The following GPC6 variants were observed in gnomAD, a reference collection of about 807,000 sequenced individuals.
GPC6 encodes glypican-6.
A neutral mutation model predicts 55.2 loss-of-function variants in GPC6; 14 were observed. That is an observed-to-expected ratio of 0.25 (90% CI 0.17 to 0.40). GPC6 has a LOEUF of 0.40. Ranked by LOEUF, GPC6 falls within the 10% of genes least tolerant of loss-of-function variation. The probability of loss-of-function intolerance (pLI) is 1.00; values close to 1 mark genes in which losing one functional copy is unlikely to be tolerated. For synonymous variants in GPC6, 278 were observed against 259.6 expected (o/e 1.07, Z -0.68); for missense variants, 641 against 708.5 (o/e 0.90, Z 1.08).
chr13:93,651,143 G>A (rs995453277), intron 2 of GPC6, among the ~76,000 whole-genome samples: 1 of 152,036 alleles, frequency 6.6e-6, no homozygotes, highest in Admixed American at 6.5e-5. Flanking sequence ...AAAGCAGCAG[G>A]ACATTCAGAT....
At chr13:93,826,443 G>A (rs1006772686) in intron 2 of GPC6, among the ~76,000 whole-genome samples, 5 of 152,010 alleles carry the variant, frequency 3.3e-5, no homozygotes, top group African/African-American at 4.8e-5. Flanking sequence ...CTTGGGTTCC[G>A]AAAGGATATA....
intron 2 of GPC6, among the ~76,000 whole-genome samples, chr13:93,568,964 T>C (rs1443462488): frequency 6.6e-6 from 1 of 152,140 alleles, no homozygotes. Context: ...GTTGCAAAGA[T>C]AGGGAAAGGA....
chr13:93,800,343 G>A (rs142845959), intron 2 of GPC6, among the ~76,000 whole-genome samples: 21 of 152,276 alleles, frequency 1.4e-4, no homozygotes, highest in African/African-American at 5.1e-4. Context: ...GCTGAATATA[G>A]AGTGAATGTG....
intron 6 of GPC6, among the ~76,000 whole-genome samples, chr13:94,352,843 G>A (rs1878618659): frequency 6.6e-6 from 1 of 152,146 alleles, no homozygotes; most frequent in African/African-American, 2.4e-5. Flanking sequence ...TTCTTCCATG[G>A]TGGGGCAACC....
At chr13:94,093,549 T>C (rs959906196) in intron 4 of GPC6, among the ~76,000 whole-genome samples, 2 of 152,106 alleles carry the variant, frequency 1.3e-5, no homozygotes, top group Non-Finnish European at 2.9e-5. Context: ...TGCCTCCAGC[T>C]TTGTTCTTGC....
At chr13:93,850,884 T>C (rs1354214045) in intron 3 of GPC6, among the ~76,000 whole-genome samples, 2 of 151,958 alleles carry the variant, frequency 1.3e-5, no homozygotes, top group East Asian at 3.9e-4. Flanking sequence ...GTCTTAGACA[T>C]ATGACTGAGA....
intron 1 of GPC6, among the ~76,000 whole-genome samples, chr13:93,364,791 A>G (rs1401200346): frequency 6.6e-6 from 1 of 151,706 alleles, no homozygotes; most frequent in Admixed American, 6.6e-5. Flanking sequence ...TATCTTGCCC[A>G]ATTGGCTAAT....
At chr13:93,511,161 A>G in intron 1 of GPC6, among the ~76,000 whole-genome samples, 1 of 149,050 alleles carries the variant, frequency 6.7e-6, no homozygotes, top group Admixed American at 6.7e-5. Context: ...TACTCTGTTT[A>G]TTATTTCTTT....
chr13:93,416,872 T>A (rs1594154838), intron 1 of GPC6, among the ~76,000 whole-genome samples: 1 of 152,082 alleles, frequency 6.6e-6, no homozygotes, highest in East Asian at 1.9e-4. Context: ...TGACAGCTAA[T>A]AAACAGCAGA....
intron 3 of GPC6, among the ~76,000 whole-genome samples, chr13:93,999,034 A>T (rs945092079): frequency 2.0e-5 from 3 of 152,068 alleles, no homozygotes; most frequent in Middle Eastern, 3.4e-3. Flanking sequence ...ATGAGTTTGA[A>T]TTTTTTTTAT....
At chr13:94,369,377 T>C (rs1476096985) in intron 6 of GPC6, among the ~76,000 whole-genome samples, 1 of 152,168 alleles carries the variant, frequency 6.6e-6, no homozygotes, top group Non-Finnish European at 1.5e-5. Flanking sequence ...TAGATGGACT[T>C]GGGGCCTCCT....
chr13:93,486,966 C>A (rs1485900454), intron 1 of GPC6, among the ~76,000 whole-genome samples: 4 of 150,720 alleles, frequency 2.7e-5, no homozygotes, highest in East Asian at 3.9e-4. Context: ...AACAAAAAAA[C>A]CCCAAAAAAC....
chr13:94,312,582 T>C (rs1023383001), intron 6 of GPC6, among the ~76,000 whole-genome samples: 6 of 152,210 alleles, frequency 3.9e-5, no homozygotes, highest in African/African-American at 1.4e-4. Flanking sequence ...CTAGTTTGCA[T>C]TTCAAAAGGA....
chr13:93,360,888 GCC>G (rs1183797746), intron 1 of GPC6, among the ~76,000 whole-genome samples: 2 of 152,126 alleles, frequency 1.3e-5, no homozygotes, highest in African/African-American at 4.8e-5. Context: ...GGATGTGGAA[GCC>G]TTTAACTCCG....
At chr13:93,912,614 G>A (rs750457454) in intron 3 of GPC6, among the ~76,000 whole-genome samples, 53 of 152,202 alleles carry the variant, frequency 3.5e-4, no homozygotes, top group Non-Finnish European at 6.8e-4. Flanking sequence ...GTGGTGGCGG[G>A]CGCCTGTAGT....
intron 1 of GPC6, among the ~76,000 whole-genome samples, chr13:93,256,847 T>C (rs962092128): frequency 2.6e-5 from 4 of 152,174 alleles, no homozygotes; most frequent in Non-Finnish European, 4.4e-5. Flanking sequence ...GTATTTCACA[T>C]TGAGACTGAT....
At chr13:94,026,993 C>T (rs1284759710) in intron 3 of GPC6, among the ~76,000 whole-genome samples, 2 of 152,124 alleles carry the variant, frequency 1.3e-5, no homozygotes, top group African/African-American at 2.4e-5. Flanking sequence ...CTTAAATATT[C>T]CTTCCTCTTG....
At chr13:94,092,743 A>G (rs1484991598) in intron 4 of GPC6, among the ~76,000 whole-genome samples, 2 of 152,128 alleles carry the variant, frequency 1.3e-5, no homozygotes, top group African/African-American at 4.8e-5. Context: ...TTGCATTTCT[A>G]CCAACACTGT....
chr13:93,795,206 G>A (rs766914617), intron 2 of GPC6, among the ~76,000 whole-genome samples: 12 of 152,276 alleles, frequency 7.9e-5, no homozygotes, highest in Admixed American at 2.0e-4. Context: ...AAAAAAGATC[G>A]TGGGGAGATG....
Sources: allele counts gnomAD v4.1 joint callset (sites outside exome capture counted in the v4.1 genomes callset), GRCh38; gene constraint gnomAD v4.1.1; transcripts MANE v1.5; gene names NCBI Gene and HGNC (gene_info 2026-07-23, HGNC 2026-07-21).